PTPRE: variants seen among roughly 807,000 people sequenced by gnomAD.
PTPRE encodes the protein receptor-type tyrosine-protein phosphatase epsilon.
In PTPRE, 51 loss-of-function variants were observed where a neutral mutation model predicts 102.0. The observed-to-expected ratio is 0.50, with a 90% confidence interval of 0.40 to 0.63. PTPRE has a LOEUF of 0.63. Among genes scored for constraint, PTPRE ranks in the 30% least tolerant of loss-of-function variants. The pLI is 0.00. For missense variants in PTPRE, 752 were observed against 915.1 expected, an observed-to-expected ratio of 0.82 and a Z score of 2.30; for synonymous variants, 345 against 348.2, an observed-to-expected ratio of 0.99 and a Z score of 0.10.
intron 15 of PTPRE, chr10:128,071,757 C>T (rs988837391): frequency 2.6e-5 from 5 of 195,610 alleles, no homozygotes; most frequent in African/African-American, 4.8e-5. Context: ...TAGAGCTCCC[C>T]GGGGTGCTGC....
In PTPRE at chr10:128,020,090, G is replaced by T. The variant is rs139069059; in HGVS notation, c.-7-20785G>T. On this transcript the variant is annotated intron_variant, in intron 2 of 20. Transcript: ENST00000254667. Reference sequence around the variant, plus strand: ...TGTGTGTGTGTGCGTGCACATGCACGCTGGACACAGGGCTGTGGCGTGATT... The same window carrying T: ...TGTGTGTGTGTGCGTGCACATGCACTCTGGACACAGGGCTGTGGCGTGATT... Among the ~76,000 whole-genome samples the T allele has an allele frequency of 5.3e-5, 8 of 151,850 alleles. No homozygotes were observed. The East Asian group carries it at 1.5e-3, about 29-fold the overall frequency.
chr10:127,954,331 A>T (rs1274043119), intron 1 of PTPRE, among the ~76,000 whole-genome samples: 1 of 152,186 alleles, frequency 6.6e-6, no homozygotes, highest in Non-Finnish European at 1.5e-5. Flanking sequence ...CTTTGGGGTG[A>T]TCTGCCAGCC....
At chr10:127,943,192 T>C (rs932463517) in intron 1 of PTPRE, among the ~76,000 whole-genome samples, 1 of 152,220 alleles carries the variant, frequency 6.6e-6, no homozygotes, top group Non-Finnish European at 1.5e-5. Flanking sequence ...AAAGTGCTCT[T>C]GTCGATAGCA....
intron 10 of PTPRE, among the ~76,000 whole-genome samples, chr10:128,063,648 T>C (rs972857285): frequency 1.3e-5 from 2 of 152,232 alleles, no homozygotes; most frequent in African/African-American, 2.4e-5. Flanking sequence ...CTGTTTCTAA[T>C]TCAAAAAAGG....
intron 2 of PTPRE, 147 bp from the exon 3 acceptor site, chr10:128,040,728 T>A (rs1336267381): frequency 3.2e-6 from 2 of 625,644 alleles, no homozygotes; most frequent in Admixed American, 5.1e-5. Context: ...CTCAGTGAGA[T>A]GATCCGTGAA....
intron 1 of PTPRE, among the ~76,000 whole-genome samples, chr10:127,931,873 A>G (rs931536152): frequency 4.6e-5 from 7 of 152,148 alleles, no homozygotes; most frequent in African/African-American, 1.7e-4. Context: ...TTTTTTCATC[A>G]AAGCTTCCCA....
chr10:128,071,954 C>T lies in PTPRE; in HGVS notation c.1388-184C>T, dbSNP rs572876226. On this transcript the variant is annotated intron_variant, in intron 15 of 20. Coordinates refer to ENST00000254667, the MANE Select transcript of PTPRE (RefSeq NM_006504.6). ...TTGGGTGGTTTTCAGAGTTTTCCTTCAAAAAGAAAAATACCCCTGAGCCAC... is the reference window on the plus strand; with the variant it reads ...TTGGGTGGTTTTCAGAGTTTTCCTTTAAAAAGAAAAATACCCCTGAGCCAC... The T allele has an allele frequency of 2.2e-5, 12 of 546,660 alleles. No homozygotes were observed. The South Asian group carries it at 3.2e-4, about 15-fold the overall frequency. 33.9% of individuals were successfully genotyped at this position (546,660 alleles called of 1,614,324 possible). A position where few individuals can be genotyped will look rare whatever the true frequency, so the allele number is the denominator to read the frequency against.
At position 128,054,766 on chromosome 10, in the gene PTPRE, C is replaced by T. The variant is rs191295341; in HGVS notation, c.421-1357C>T. Reference sequence around the variant, plus strand: ...GCCCTCAGGAGAGGAAGACTCGGGACACCTGTGGGTGGCAGGTCAGGCTGT... The same window carrying T: ...GCCCTCAGGAGAGGAAGACTCGGGATACCTGTGGGTGGCAGGTCAGGCTGT... On this transcript the variant is annotated intron_variant, in intron 6 of 20. Transcript: ENST00000254667. 8.7e-4 allele frequency among the ~76,000 whole-genome samples: 133 copies of T among 152,184 alleles called. 1 individual carries two copies. Among genetic ancestry groups the T allele is most frequent in the Non-Finnish European group, 1.0e-4 (7 of 67,992 alleles).
rs149409520 is a variant in PTPRE at position 128,017,610 on chromosome 10, C to T, written c.-7-23265C>T. Among the ~76,000 whole-genome samples the T allele has an allele frequency of 1.6e-4, 24 of 152,136 alleles. 1 individual carries two copies. The highest frequency in any genetic ancestry group is 4.2e-4 in the South Asian group (2 of 4,784). On this transcript the variant is annotated intron_variant, in intron 2 of 20. Transcript: ENST00000254667. The stretch of plus-strand genomic sequence containing the variant: ...AATTGGATGACCTACTCTGGGACAA[C>T]GCAGTCACCCAGAGTCCATACTCTA...
At chr10:127,968,652 G>A (rs1235144088) in intron 1 of PTPRE, among the ~76,000 whole-genome samples, 1 of 152,254 alleles carries the variant, frequency 6.6e-6, no homozygotes, top group African/African-American at 2.4e-5. Context: ...TTAAGGTATG[G>A]ATGCTGTCTT....
chr10:128,024,012 GCTA>G (rs560768757), intron 2 of PTPRE, among the ~76,000 whole-genome samples: 94 of 152,294 alleles, frequency 6.2e-4, no homozygotes, highest in African/African-American at 2.1e-3. Flanking sequence ...ATGACAATCA[GCTA>G]CTACAAGGAT....
At chr10:127,951,470 G>A (rs1427196651) in intron 1 of PTPRE, among the ~76,000 whole-genome samples, 1 of 152,228 alleles carries the variant, frequency 6.6e-6, no homozygotes, top group African/African-American at 2.4e-5. Context: ...CAGGAGACCT[G>A]AAATGTCACC....
At chr10:127,952,341 C>G (rs543308368) in intron 1 of PTPRE, among the ~76,000 whole-genome samples, 5 of 117,306 alleles carry the variant, frequency 4.3e-5, no homozygotes, top group African/African-American at 1.5e-4. Context: ...CCCCGCCCCC[C>G]CTAGCCCTTA....
rs115462171 is a variant in PTPRE, at chr10:128,055,932, G to C, written c.421-191G>C. Among the ~76,000 whole-genome samples, 1,176 of 152,318 alleles carry C rather than the reference G, an allele frequency of 7.7e-3. 12 individuals carry two copies. The highest frequency in any genetic ancestry group is 0.026 in the African/African-American group (1,063 of 41,576). On this transcript the variant is annotated intron_variant, in intron 6 of 20. Coordinates refer to ENST00000254667, the MANE Select transcript of PTPRE (RefSeq NM_006504.6). ...ACCCCACATGAAAGAGCACCCTGGG[G>C]AAAGCCAGGGTCTGTGTCTCCTTCA...
chr10:128,066,166 A>G lies in PTPRE; in HGVS notation c.815A>G (p.Tyr272Cys), dbSNP rs1422354029. 1 of 1,614,116 alleles carries G rather than the reference A, an allele frequency of 6.2e-7. No homozygotes were observed. Among genetic ancestry groups the G allele is most frequent in the African/African-American group, 1.3e-5 (1 of 74,950 alleles). The change falls in exon 11 of 21, where the codon TAC (tyrosine) becomes TGC (cysteine). Residue 272 changes from tyrosine (Y) to cysteine (C), a missense_variant. By Grantham distance (194) the Tyr-to-Cys change is radical. Transcript: ENST00000254667. Reference sequence around the variant, plus strand: ...GAGGACTGCGTGGTTTTGGTCGACTACACCATCCGGAAGTTCTGCATACAG... The same window carrying G: ...GAGGACTGCGTGGTTTTGGTCGACTGCACCATCCGGAAGTTCTGCATACAG... ...CVEDCVVLVD[Y>C]TIRKFCIQPQ...
rs746053069 is a variant in PTPRE, at chr10:128,056,108, T to C, written c.421-15T>C. Reference sequence around the variant, plus strand: ...AATCCATCACATTTCATACTAATGCTACATTTTCTTCCAGTCATTGCCATC... The same window carrying C: ...AATCCATCACATTTCATACTAATGCCACATTTTCTTCCAGTCATTGCCATC... On this transcript the variant is annotated splice_polypyrimidine_tract_variant and intron_variant, in intron 6 of 20. Transcript: ENST00000254667. 1 of 1,581,446 alleles carries C rather than the reference T, an allele frequency of 6.3e-7. No individual in the cohort carries two copies. The highest frequency in any genetic ancestry group is 1.1e-5 in the South Asian group (1 of 90,498).
intron 16 of PTPRE, among the ~76,000 whole-genome samples, chr10:128,072,990 A>C (rs1850913368): frequency 6.6e-6 from 1 of 152,240 alleles, no homozygotes; most frequent in African/African-American, 2.4e-5. Flanking sequence ...AAATTGTACC[A>C]GAATCCGGTG....
At chr10:127,960,706 T>C (rs1446859686) in intron 1 of PTPRE, among the ~76,000 whole-genome samples, 1 of 152,144 alleles carries the variant, frequency 6.6e-6, no homozygotes, top group Non-Finnish European at 1.5e-5. Flanking sequence ...TAGCCATTAG[T>C]CCAAATACGT....
chr10:128,079,726 G>A, intron 20 of PTPRE, 31 bp downstream of exon 20: 1 of 1,593,040 alleles, frequency 6.3e-7, no homozygotes, highest in South Asian at 1.1e-5. Context: ...GTTACCAGAA[G>A]AGTGGAGAAT....
Sources: gnomAD v4.1 joint callset for allele counts (sites outside exome capture counted in the v4.1 genomes callset) on GRCh38, gnomAD v4.1.1 for gene constraint, MANE v1.5 for transcripts, NCBI Gene and HGNC (gene_info 2026-07-23, HGNC 2026-07-21) for gene names.